The following PARP14 variants were observed in gnomAD, a reference collection of about 807,000 sequenced individuals.
The protein encoded by PARP14 is poly(ADP-ribose) polymerase family member 14.
Under a neutral mutation model 154.2 loss-of-function variants are expected in PARP14, and 59 were observed. The observed-to-expected ratio is 0.38, with a 90% CI of 0.31 to 0.48. The LOEUF is 0.48. Among genes scored for constraint, PARP14 ranks in the 20% least tolerant of loss-of-function variants. The probability of loss-of-function intolerance (pLI) is 0.98; values close to 1 mark genes in which losing one functional copy is unlikely to be tolerated. For missense variants in PARP14, 1,734 were observed against 2,131.6 expected (o/e 0.81, Z 3.67); for synonymous variants, 720 against 780.5 (o/e 0.92, Z 1.29).
intron 3 of PARP14, among the ~76,000 whole-genome samples, chr3:122,688,797 A>G (rs934080660): frequency 6.6e-6 from 1 of 152,226 alleles, no homozygotes; most frequent in African/African-American, 2.4e-5. Context: ...ATTAATAATT[A>G]CAACAGCCCT....
At chr3:122,687,027 T>C (rs1938394856) in intron 2 of PARP14, 53 bp from the exon 3 acceptor site, 2 of 1,272,104 alleles carry the variant, frequency 1.6e-6, no homozygotes, top group Non-Finnish European at 2.2e-6. Flanking sequence ...CATTTTCTTA[T>C]GTAAATAAAT....
rs750079893 is a variant in PARP14, at chr3:122,700,810, G to T, written c.2256G>T (p.Gln752His). 5.6e-6 allele frequency: 9 copies of T among 1,613,854 alleles called. No homozygotes were observed. In the South Asian group the frequency reaches 9.9e-5, roughly 18 times the overall value. Residue 752 changes from glutamine to histidine, a missense_variant, in exon 6 of 17, where the codon CAG becomes CAT. Physicochemically the swap from Gln to His is conservative, Grantham distance 24. Coordinates refer to ENST00000474629, the MANE Select transcript of PARP14 (RefSeq NM_017554.3). ...ATACTGATAAGCCAGGAGCCAAGCA[G>T]TTCTTCCAGGATAAAGCACGGTTTT... ...SVHTDKPGAK[Q>H]FFQDKARFYQ... is the part of the protein sequence containing the mutation.
chr3:122,699,445 G>A lies in PARP14; in HGVS notation c.891G>A (p.Val297=), dbSNP rs1311252417. ...KLDFNKMPLS[V]FPYYASLGTA... Reference sequence around the variant, plus strand: ...ACTTCAATAAAATGCCACTTTCTGTGTTCCCATACTATGCCTCATTGGGCA... The same window carrying A: ...ACTTCAATAAAATGCCACTTTCTGTATTCCCATACTATGCCTCATTGGGCA... The change falls in exon 6 of 17, where the codon GTG becomes GTA. Residue 297 remains valine, a synonymous_variant. Transcript: ENST00000474629. The A allele has an allele frequency of 1.2e-6, 2 of 1,613,594 alleles. No individual in the cohort carries two copies. Among genetic ancestry groups the A allele is most frequent in the Admixed American group, 1.7e-5 (1 of 59,944 alleles).
chr3:122,707,118 T>C (rs1362969674), intron 8 of PARP14, among the ~76,000 whole-genome samples: 3 of 152,202 alleles, frequency 2.0e-5, no homozygotes, highest in South Asian at 4.1e-4. Context: ...TTTACATATG[T>C]ACTTTTAAAA....
intron 1 of PARP14, among the ~76,000 whole-genome samples, chr3:122,683,675 T>A (rs1938284131): frequency 6.6e-6 from 1 of 152,142 alleles, no homozygotes; most frequent in Non-Finnish European, 1.5e-5. Flanking sequence ...ACATCAGAGT[T>A]TCAGCTTTTT....
At chr3:122,724,456 G>C (rs867983907) in intron 15 of PARP14, among the ~76,000 whole-genome samples, 1 of 145,444 alleles carries the variant, frequency 6.9e-6, no homozygotes, top group Non-Finnish European at 1.5e-5. Context: ...ATGCCACCAC[G>C]CCTATTTTTT....
chr3:122,712,805 G>A (rs1219776538), intron 9 of PARP14, among the ~76,000 whole-genome samples: 1 of 152,064 alleles, frequency 6.6e-6, no homozygotes, highest in Non-Finnish European at 1.5e-5. Context: ...CACCCACCTC[G>A]GCCTCCCAAA....
chr3:122,694,178 G>C (rs1938685977), intron 4 of PARP14, among the ~76,000 whole-genome samples: 1 of 152,226 alleles, frequency 6.6e-6, no homozygotes, highest in Non-Finnish European at 1.5e-5. Context: ...TGAACAAAAA[G>C]CTGTGGGAAA....
rs369096164 is a variant in PARP14, at chr3:122,704,598, A to G, written c.3390A>G (p.Pro1130=). 11 of 1,607,720 alleles carry G rather than the reference A, an allele frequency of 6.8e-6. No homozygotes were observed. The African/African-American group carries it at 1.1e-4, about 16-fold the overall frequency. The stretch of plus-strand genomic sequence containing the variant: ...TGTCCTTAAAATCAATTGCATTTCC[A>G]GCAATAGGAACAGGAAACTTGGGAT... ...ESLSLKSIAF[P]AIGTGNLGFP... The change falls in exon 8 of 17, where the codon CCA becomes CCG. Residue 1130 remains proline (P), a synonymous_variant. Transcript: ENST00000474629.
Position 122,704,533 on chromosome 3 carries a change from GA to G in PARP14, c.3327del (p.Asp1110ThrfsTer2). Reference sequence around the variant, plus strand: ...TGTGCTTTGTGCGTTTCAGATAATGGAAGACATAATCAGAGAATGTATGGAG... The same window carrying G: ...TGTGCTTTGTGCGTTTCAGATAATGGAGACATAATCAGAGAATGTATGGAG... ...NGSTSSLKIM[E>X]DIIRECMEIT... On this transcript the variant is annotated frameshift_variant, in exon 8 of 17. Coordinates refer to ENST00000474629, the MANE Select transcript of PARP14 (RefSeq NM_017554.3). LOFTEE classifies it high-confidence loss of function. 6.3e-7 allele frequency: 1 copy of G among 1,585,296 alleles called. No homozygotes were observed. Among genetic ancestry groups the G allele is most frequent in the Non-Finnish European group, 8.6e-7 (1 of 1,158,162 alleles).
At chr3:122,714,722 G>C (rs1163405652) in intron 12 of PARP14, among the ~76,000 whole-genome samples, 2 of 152,202 alleles carry the variant, frequency 1.3e-5, no homozygotes, top group African/African-American at 4.8e-5. Context: ...AGAGTGGAAA[G>C]GCCATCCCTC....
intron 12 of PARP14, among the ~76,000 whole-genome samples, chr3:122,716,501 G>C (rs1316359037): frequency 1.3e-5 from 2 of 152,180 alleles, no homozygotes; most frequent in East Asian, 1.9e-4. Flanking sequence ...CAGTGTGAGA[G>C]ACAGGCATGC....
In PARP14 at chr3:122,684,687, C is replaced by T. The variant is rs529577371; in HGVS notation, c.188-498C>T. ...GATGTGAGACCTGTTTCTAACTAGG[C>T]TCCTGCTTACAGCCACCTAGCCACC... On this transcript the variant is annotated intron_variant, in intron 1 of 16. Transcript: ENST00000474629. 2.9e-4 allele frequency among the ~76,000 whole-genome samples: 44 copies of T among 152,200 alleles called. No individual in the cohort carries two copies. In the South Asian group the frequency reaches 8.5e-3, roughly 29 times the overall value.
intron 16 of PARP14, 62 bp from the exon 17 acceptor site, chr3:122,728,246 G>C (rs1012881589): frequency 5.1e-6 from 7 of 1,384,126 alleles, no homozygotes; most frequent in Non-Finnish European, 7.1e-6. Context: ...TTAACAGATT[G>C]GGCCAACATA....
At chr3:122,682,994 G>T (rs561458942) in intron 1 of PARP14, among the ~76,000 whole-genome samples, 2 of 152,320 alleles carry the variant, frequency 1.3e-5, no homozygotes, top group East Asian at 3.8e-4. Context: ...GGCAGAGGTT[G>T]CAGTGAGGTG....
chr3:122,687,230 G>T, intron 3 of PARP14, 117 bp downstream of exon 3: 1 of 717,720 alleles, frequency 1.4e-6, no homozygotes, highest in Non-Finnish European at 2.4e-6. Flanking sequence ...GATGTGCTCC[G>T]CTGGGAGCTG....
intron 14 of PARP14, among the ~76,000 whole-genome samples, chr3:122,719,166 A>G (rs1027043983): frequency 6.6e-6 from 1 of 152,180 alleles, no homozygotes; most frequent in East Asian, 1.9e-4. Context: ...GAAGATGACT[A>G]TCTTCTTGGT....
At position 122,713,892 on chromosome 3, in the gene PARP14, G is replaced by C. The variant is rs1932922253; in HGVS notation, c.3790G>C (p.Glu1264Gln). The C allele has an allele frequency of 6.2e-7, 1 of 1,612,508 alleles. No individual in the cohort carries two copies. Among genetic ancestry groups the C allele is most frequent in the Non-Finnish European group, 8.5e-7 (1 of 1,178,744 alleles). ...LKAGVSKAILECAGQNVEREC... is the reference protein window; with the variant it reads ...LKAGVSKAILQCAGQNVEREC... The stretch of plus-strand genomic sequence containing the variant: ...TGTAGGGGTCTCCAAAGCAATTTTA[G>C]AATGTGCTGGACAAAATGTAGAAAG... The change falls in exon 11 of 17, where the codon GAA becomes CAA. Residue 1264 changes from glutamate to glutamine, a missense_variant. Around this residue, in one of 2 missense-constraint regions of PARP14, gnomAD observed 1,646 missense variants for 1,976.0 expected, o/e 0.83. Transcript: ENST00000474629.
intron 2 of PARP14, chr3:122,686,799 G>T: frequency 2.9e-6 from 1 of 343,770 alleles, no homozygotes; most frequent in Non-Finnish European, 5.3e-6. Flanking sequence ...AAAATTATGA[G>T]CTAAGATGTT....
Sources: allele counts gnomAD v4.1 joint callset (sites outside exome capture counted in the v4.1 genomes callset), GRCh38; gene constraint gnomAD v4.1.1; regional missense constraint gnomAD v4.1.1; transcripts MANE v1.5; gene names NCBI Gene and HGNC (gene_info 2026-07-23, HGNC 2026-07-21).